TUB: variants seen among roughly 807,000 people sequenced by gnomAD.
TUB encodes tubby protein homolog.
A neutral mutation model predicts 59.7 loss-of-function variants in TUB; 33 were observed. That is an observed-to-expected ratio of 0.55 (90% CI 0.42 to 0.74). TUB has a LOEUF of 0.74. Ranked by LOEUF, TUB falls within the 30% of genes least tolerant of loss-of-function variation. The pLI is 0.00. For synonymous variants in TUB, 293 were observed against 256.4 expected, an observed-to-expected ratio of 1.14 and a Z score of -1.36; for missense variants, 659 against 672.0, an observed-to-expected ratio of 0.98 and a Z score of 0.21.
intron 2 of TUB, among the ~76,000 whole-genome samples, chr11:8,052,142 C>T (rs1213214994): frequency 1.3e-5 from 2 of 152,148 alleles, no homozygotes; most frequent in East Asian, 1.9e-4. Flanking sequence ...CATTCTTTTA[C>T]GGTTACAAAA....
intron 2 of TUB, among the ~76,000 whole-genome samples, chr11:8,047,767 G>T (rs1942859247): frequency 1.3e-5 from 2 of 152,182 alleles, no homozygotes; most frequent in Non-Finnish European, 1.5e-5. Flanking sequence ...CCCAGGGAGG[G>T]TCCTTGGGGT....
chr11:8,049,590 G>GAT (rs1318672540), intron 2 of TUB, among the ~76,000 whole-genome samples: 6 of 124,516 alleles, frequency 4.8e-5, no homozygotes, highest in South Asian at 2.6e-4. Context: ...TAGATAGATA[G>GAT]ATAGATAGAT....
intron 2 of TUB, 82 bp downstream of exon 2, chr11:8,089,743 C>A: frequency 6.5e-7 from 1 of 1,540,372 alleles, no homozygotes; most frequent in Non-Finnish European, 9.0e-7. Context: ...GTCCATCTTC[C>A]CTGGATGATC....
chr11:8,037,121 A>G (rs1942657815), upstream of TUB, among the ~76,000 whole-genome samples: 1 of 152,230 alleles, frequency 6.6e-6, no homozygotes, highest in Admixed American at 6.5e-5. Flanking sequence ...CTCCAGTTGC[A>G]GGTGCATGCA....
At chr11:8,034,181 C>T (rs1177568363), upstream of TUB, among the ~76,000 whole-genome samples, 1 of 152,186 alleles carries the variant, frequency 6.6e-6, no homozygotes, top group African/African-American at 2.4e-5. Context: ...GATTGGAGGG[C>T]TGCACCTGTG....
chr11:8,100,382 G>T (rs924684774), intron 9 of TUB, 121 bp from the exon 10 acceptor site: 9 of 767,070 alleles, frequency 1.2e-5, no homozygotes, highest in Non-Finnish European at 1.6e-5. Context: ...AGAGGGATGT[G>T]TGTTAGACTT....
chr11:8,031,330 T>A (rs1001358731), intron 1 of TUB, among the ~76,000 whole-genome samples: 1 of 152,164 alleles, frequency 6.6e-6, no homozygotes, highest in African/African-American at 2.4e-5. Context: ...AGATTACACT[T>A]AATGGGGGGC....
upstream of TUB, among the ~76,000 whole-genome samples, chr11:8,037,295 T>C (rs773438805): frequency 5.3e-5 from 8 of 152,196 alleles, 1 homozygote; most frequent in Non-Finnish European, 1.2e-4. Flanking sequence ...CTTTCCTTTC[T>C]CTGAGCCTGA....
Position 8,058,220 on chromosome 11 carries a change from T to TAAA in TUB, c.203+18543_203+18545dup, listed in dbSNP as rs59581554. 8.3e-4 allele frequency among the ~76,000 whole-genome samples: 116 copies of TAAA among 139,856 alleles called. 3 individuals are homozygous for TAAA. The East Asian group carries it at 0.016, about 20-fold the overall frequency. The allele number at this position is 139,856 out of a possible 152,430, so 91.8% of individuals were successfully genotyped here. On this transcript the variant is annotated intron_variant, in intron 2 of 12. Transcript: ENST00000305253. ...GAGCAAGATCCTCTCTCTCAAAAAT[T>TAAA]AAAAAAAAAAAAAAAAAGAAGCGGT...
chr11:8,036,815 A>G (rs529651629), upstream of TUB, among the ~76,000 whole-genome samples: 34 of 152,344 alleles, frequency 2.2e-4, no homozygotes, highest in African/African-American at 7.9e-4. Flanking sequence ...AAGTCTCAGT[A>G]GCACGGGCCC....
rs1590010812 is a variant in TUB, at chr11:8,103,189, C to CCTAA, written c.*1573_*1576dup. The stretch of plus-strand genomic sequence containing the variant: ...TAAAGGTTCTGGGGCTGGGCCTGAG[C>CCTAA]CTAACTCCCTCCACTACCGCTATTT... On this transcript the variant is annotated 3_prime_UTR_variant, in exon 12 of 12. Transcript: ENST00000299506. 1.3e-5 allele frequency: 2 copies of CCTAA among 152,298 alleles called. No individual in the cohort carries two copies. Among genetic ancestry groups the CCTAA allele is most frequent in the Middle Eastern group, 3.4e-3 (1 of 294 alleles). 9.4% of individuals were successfully genotyped at this position (152,298 alleles called of 1,614,324 possible).
chr11:8,062,429 G>T lies in TUB; in HGVS notation c.203+22737G>T, dbSNP rs147072457. On this transcript the variant is annotated intron_variant, in intron 2 of 12. Transcript: ENST00000305253. ...CTGGCTCTTGGCCTCTAGGGATCTA[G>T]GGAGCCAGGCGCTGTCAGGGGCCTG... Among the ~76,000 whole-genome samples the T allele has an allele frequency of 7.9e-5, 12 of 152,190 alleles. No individual in the cohort carries two copies. In the East Asian group the frequency reaches 2.3e-3, roughly 30 times the overall value.
In TUB at chr11:8,039,797, C is replaced by G. The variant is rs560277865; in HGVS notation, c.203+105C>G. 28 of 872,836 alleles carry G rather than the reference C, an allele frequency of 3.2e-5. No individual in the cohort carries two copies. The South Asian group carries it at 6.5e-4, about 20-fold the overall frequency. 54.1% of individuals were successfully genotyped at this position (872,836 alleles called of 1,614,324 possible). A position where few individuals can be genotyped will look rare whatever the true frequency, so the allele number is the denominator to read the frequency against. On this transcript the variant is annotated intron_variant, in intron 2 of 12. Transcript: ENST00000305253. Reference sequence around the variant, plus strand: ...CGTGGGTGGCTCAGGGGCCATGAACCCCATATGCGCCTGGGAGTGTGTGTG... The same window carrying G: ...CGTGGGTGGCTCAGGGGCCATGAACGCCATATGCGCCTGGGAGTGTGTGTG...
In TUB at chr11:8,100,543, G is replaced by A. The variant is rs370178939; in HGVS notation, c.1157G>A (p.Ser386Asn). The change falls in exon 10 of 12, where the codon AGC becomes AAC. Residue 386 changes from serine to asparagine, a missense_variant. Physicochemically the swap from Ser to Asn is conservative, Grantham distance 46. This residue lies in a region of TUB where 226 missense variants were observed against 210.8 expected (regional missense o/e 1.07). Coordinates refer to ENST00000299506, the MANE Select transcript of TUB (RefSeq NM_177972.3). The part of the protein sequence containing the change: ...VLGFKGPRKM[S>N]VIVPGMNMVH... ...GGCTTCAAGGGGCCTCGGAAGATGA[G>A]CGTGATTGTCCCAGGCATGAACATG... 20 of 1,614,116 alleles carry A rather than the reference G, an allele frequency of 1.2e-5. No homozygotes were observed. In the African/African-American group the frequency reaches 2.1e-4, roughly 17 times the overall value.
chr11:8,101,444 T>C (rs1226346911), intron 11 of TUB, 42 bp from the exon 12 acceptor site: 3 of 1,608,482 alleles, frequency 1.9e-6, no homozygotes, highest in East Asian at 2.2e-5. Flanking sequence ...CTACCATTCC[T>C]GTCCTGTCCT....
At chr11:8,043,211 T>C (rs940894483) in intron 2 of TUB, among the ~76,000 whole-genome samples, 3 of 152,236 alleles carry the variant, frequency 2.0e-5, no homozygotes, top group African/African-American at 7.2e-5. Context: ...TTGAATGGTC[T>C]CGCTATCCTG....
At chr11:8,025,614 G>GT (rs1942490284) in intron 1 of TUB, among the ~76,000 whole-genome samples, 1 of 152,178 alleles carries the variant, frequency 6.6e-6, no homozygotes, top group African/African-American at 2.4e-5. Flanking sequence ...TTCAGACAGT[G>GT]TAATTATTGT....
intron 3 of TUB, among the ~76,000 whole-genome samples, chr11:8,093,265 T>C (rs1943839851): frequency 6.6e-6 from 1 of 151,846 alleles, no homozygotes; most frequent in Non-Finnish European, 1.5e-5. Context: ...GGGAGGGCAG[T>C]GCAGGCAGCA....
At chr11:8,030,657 G>A (rs1372219258) in intron 1 of TUB, among the ~76,000 whole-genome samples, 20 of 152,198 alleles carry the variant, frequency 1.3e-4, no homozygotes, top group Non-Finnish European at 2.8e-4. Flanking sequence ...GATTTCTGCA[G>A]GTGAACAATG....
Sources: gnomAD v4.1 joint callset for allele counts (sites outside exome capture counted in the v4.1 genomes callset) on GRCh38, gnomAD v4.1.1 for gene constraint, gnomAD v4.1.1 regional missense constraint, MANE v1.5 for transcripts, NCBI Gene and HGNC (gene_info 2026-07-23, HGNC 2026-07-21) for gene names.